The following C1QTNF3 variants were observed in gnomAD, a reference collection of about 807,000 sequenced individuals.
C1QTNF3 encodes the protein C1q and TNF related 3.
In C1QTNF3, 26 loss-of-function variants were observed where a neutral mutation model predicts 32.6. The ratio of observed to expected loss-of-function variants is 0.80; its 90% CI spans 0.58 to 1.11. The LOEUF (loss-of-function observed/expected upper bound fraction) is 1.11. Among genes scored for constraint, C1QTNF3 ranks in the 50% least tolerant of loss-of-function variants. C1QTNF3 has a pLI of 0.00. For missense variants in C1QTNF3, 362 were observed against 398.2 expected (o/e 0.91, Z 0.77); for synonymous variants, 155 against 146.0 (o/e 1.06, Z -0.44).
At chr5:34,156,539 T>C in the C1QTNF3 span, among the ~76,000 whole-genome samples, 1 of 152,208 alleles carries the variant, frequency 6.6e-6, no homozygotes, top group Non-Finnish European at 1.5e-5. Flanking sequence ...TCTCCCAATA[T>C]GTAATTATAT....
At chr5:34,066,856 T>C in the C1QTNF3 span, among the ~76,000 whole-genome samples, 5 of 152,140 alleles carry the variant, frequency 3.3e-5, no homozygotes, top group African/African-American at 4.8e-5. Flanking sequence ...GAAAATGAGT[T>C]TTTCTTTTTT....
the C1QTNF3 span, among the ~76,000 whole-genome samples, chr5:34,068,522 C>T: frequency 1.3e-5 from 2 of 150,878 alleles, no homozygotes; most frequent in African/African-American, 4.9e-5. Context: ...AATATATATA[C>T]GTATATAGAG....
chr5:34,087,243 A>G, the C1QTNF3 span, among the ~76,000 whole-genome samples: 3 of 149,920 alleles, frequency 2.0e-5, no homozygotes, highest in African/African-American at 7.4e-5. Context: ...ACCACATACT[A>G]TATCTCCAAG....
the C1QTNF3 span, among the ~76,000 whole-genome samples, chr5:34,096,884 A>C: frequency 6.6e-6 from 1 of 150,518 alleles, no homozygotes; most frequent in Non-Finnish European, 1.5e-5. Context: ...TTTGGATGCA[A>C]ATCTTGAAAA....
the C1QTNF3 span, among the ~76,000 whole-genome samples, chr5:34,153,591 T>G: frequency 3.0e-5 from 1 of 33,064 alleles, no homozygotes; most frequent in African/African-American, 1.2e-4. Context: ...TCATTCTCAG[T>G]AAACTATCGC....
chr5:34,168,888 GA>G, the C1QTNF3 span: 1 of 152,150 alleles, frequency 6.6e-6, no homozygotes, highest in Non-Finnish European at 1.5e-5. Context: ...TCATGTGTTG[GA>G]AAATTAATCC....
chr5:34,167,112 T>C, the C1QTNF3 span: 1 of 152,148 alleles, frequency 6.6e-6, no homozygotes, highest in African/African-American at 2.4e-5. Flanking sequence ...ACAGAAGTAA[T>C]GGCCTTTTGT....
chr5:34,030,107 T>G (rs1754574800), intron 3 of C1QTNF3, among the ~76,000 whole-genome samples: 2 of 152,216 alleles, frequency 1.3e-5, no homozygotes, highest in Non-Finnish European at 2.9e-5. Flanking sequence ...ATTAGCAATC[T>G]TTTTGAATAT....
chr5:34,225,835 G>A, the C1QTNF3 span, among the ~76,000 whole-genome samples: 1 of 151,566 alleles, frequency 6.6e-6, no homozygotes, highest in Non-Finnish European at 1.5e-5. Context: ...AGATTTGGTT[G>A]CAACTTATTA....
chr5:34,063,682 A>C, the C1QTNF3 span, among the ~76,000 whole-genome samples: 2 of 152,160 alleles, frequency 1.3e-5, no homozygotes, highest in Non-Finnish European at 1.5e-5. Context: ...CTAAATTGGG[A>C]GGGATACCAG....
At chr5:34,057,310 A>G in the C1QTNF3 span, among the ~76,000 whole-genome samples, 1 of 152,194 alleles carries the variant, frequency 6.6e-6, no homozygotes, top group South Asian at 2.1e-4. Context: ...ATAATCTAGA[A>G]CAATGTTGAA....
the C1QTNF3 span, among the ~76,000 whole-genome samples, chr5:34,072,469 T>C: frequency 2.6e-5 from 4 of 152,196 alleles, no homozygotes; most frequent in East Asian, 1.9e-4. Context: ...CAGCAAATGA[T>C]GGATCATTTG....
At chr5:34,026,494 A>AAAG (rs1754463574) in intron 4 of C1QTNF3, among the ~76,000 whole-genome samples, 1 of 53,860 alleles carries the variant, frequency 1.9e-5, no homozygotes, top group African/African-American at 1.2e-4. Context: ...GAAAAGAAAG[A>AAAG]AAAAAAAAGT....
the C1QTNF3 span, among the ~76,000 whole-genome samples, chr5:34,170,431 C>G: frequency 5.8e-4 from 89 of 152,180 alleles, 1 homozygote; most frequent in Middle Eastern, 3.4e-3. Context: ...ATTCAGTCTT[C>G]TCACCACACA....
chr5:34,042,925 A>G lies in C1QTNF3; in HGVS notation c.201T>C (p.Thr67=). ...GGTCTGTAGAAGTGTTATTATCCACAGTCCCAGTTTTAGGATGGCTCCGCT... is the reference window on the plus strand; with the variant it reads ...GGTCTGTAGAAGTGTTATTATCCACGGTCCCAGTTTTAGGATGGCTCCGCT... ...VRERSHPKTG[T]VDNNTSTDLK... is the part of the protein sequence containing the mutation. Residue 67 remains threonine, a synonymous_variant, in exon 1 of 6, where the codon ACT becomes ACC. Transcript: ENST00000382065. 2.5e-6 allele frequency: 4 copies of G among 1,614,116 alleles called. No homozygotes were observed. Among genetic ancestry groups the G allele is most frequent in the Non-Finnish European group, 3.4e-6 (4 of 1,180,014 alleles).
At chr5:34,186,776 T>C in the C1QTNF3 span, among the ~76,000 whole-genome samples, 4 of 151,956 alleles carry the variant, frequency 2.6e-5, no homozygotes, top group Non-Finnish European at 3.0e-5. Flanking sequence ...TCCCACATAA[T>C]TTCTGTTTGA....
the C1QTNF3 span, among the ~76,000 whole-genome samples, chr5:34,174,648 G>T: frequency 1.3e-5 from 2 of 152,128 alleles, no homozygotes; most frequent in African/African-American, 4.8e-5. Flanking sequence ...TGAGTTTATG[G>T]AAAGTCCATA....
chr5:34,131,920 TAATA>T, the C1QTNF3 span, among the ~76,000 whole-genome samples: 2 of 152,146 alleles, frequency 1.3e-5, no homozygotes, highest in South Asian at 2.1e-4. Context: ...TTAAAAAATA[TAATA>T]ATTAAGAAAA....
the C1QTNF3 span, among the ~76,000 whole-genome samples, chr5:34,174,508 TCA>T: frequency 6.6e-6 from 1 of 152,140 alleles, no homozygotes; most frequent in South Asian, 2.1e-4. Flanking sequence ...CTCATCATGT[TCA>T]TTCATTCATC....
Sources: allele counts gnomAD v4.1 joint callset (sites outside exome capture counted in the v4.1 genomes callset), GRCh38; gene constraint gnomAD v4.1.1; transcripts MANE v1.5; gene names NCBI Gene and HGNC (gene_info 2026-07-23, HGNC 2026-07-21).